The following PRDM11 variants were observed in gnomAD, a reference collection of about 807,000 sequenced individuals.
PRDM11 encodes PR/SET domain 11, also known as PR domain-containing protein 11.
PRDM11 carries 20 observed loss-of-function variants against 97.8 expected under a neutral mutation model. That is an observed-to-expected ratio of 0.20 (90% CI 0.14 to 0.30). The LOEUF is 0.30. Among genes scored for constraint, PRDM11 ranks in the 10% least tolerant of loss-of-function variants. PRDM11 has a pLI of 1.00. For missense variants in PRDM11, 1,139 were observed against 1,555.2 expected (o/e 0.73, Z 4.50); for synonymous variants, 599 against 637.7 (o/e 0.94, Z 0.91).
At chr11:45,173,553 C>T (rs1233555037) in intron 1 of PRDM11, among the ~76,000 whole-genome samples, 2 of 147,976 alleles carry the variant, frequency 1.4e-5, no homozygotes, top group East Asian at 2.0e-4. Flanking sequence ...ACCCGGGAGG[C>T]GGAGGTTGCA....
In PRDM11 at chr11:45,226,231, A is replaced by T. The variant is rs1303910565; in HGVS notation, c.1606A>T (p.Thr536Ser). The T allele has an allele frequency of 1.2e-5, 18 of 1,533,852 alleles. No individual in the cohort carries two copies. The highest frequency in any genetic ancestry group is 1.6e-5 in the Non-Finnish European group (18 of 1,146,744). ...GTGGTGCCACGTCTGCCGCCAGTAC[A>T]CGGTGCAGTCCTCACGCACCTCGGC... ...EMWCHVCRQY[T>S]VQSSRTSAFI... Residue 536 changes from threonine (T) to serine (S), a missense_variant, in exon 8 of 8, where the codon ACG (threonine) becomes TCG (serine). Physicochemically the swap from Thr to Ser is moderately conservative, Grantham distance 58. Around this residue, in one of 2 missense-constraint regions of PRDM11, gnomAD observed 710 missense variants for 1,044.9 expected, o/e 0.68. Coordinates refer to ENST00000683152, the MANE Select transcript of PRDM11 (RefSeq NM_001384648.1).
At position 45,226,444 on chromosome 11, in the gene PRDM11, C is replaced by A; in HGVS notation, c.1819C>A (p.Leu607Met). 1 of 1,534,010 alleles carries A rather than the reference C, an allele frequency of 6.5e-7. No homozygotes were observed. The highest frequency in any genetic ancestry group is 8.7e-7 in the Non-Finnish European group (1 of 1,146,742). The change falls in exon 8 of 8, where the codon CTG becomes ATG. Residue 607 changes from leucine to methionine, a missense_variant. Coordinates refer to ENST00000683152, the MANE Select transcript of PRDM11 (RefSeq NM_001384648.1). ...CCTGGCCTTGGAGGGCAGGCCCTAC[C>A]TGGACTTCCGGCCCCTGGCGGAGCT... is the stretch of plus-strand genomic sequence containing the variant. ...YHLALEGRPY[L>M]DFRPLAELLR...
chr11:45,105,838 C>T (rs900921140), intron 1 of PRDM11, among the ~76,000 whole-genome samples: 3 of 152,200 alleles, frequency 2.0e-5, no homozygotes, highest in Non-Finnish European at 2.9e-5. Flanking sequence ...TTTCTGAGAC[C>T]CCTACAAAGT....
chr11:45,199,918 C>A (rs1384388157), intron 4 of PRDM11, among the ~76,000 whole-genome samples: 3 of 152,176 alleles, frequency 2.0e-5, no homozygotes, highest in Non-Finnish European at 4.4e-5. Context: ...AGTAGATTCC[C>A]AGGTCCAGGG....
chr11:45,227,465 A>G lies in PRDM11; in HGVS notation c.2840A>G (p.Lys947Arg). ...GAGAGCTTCAACGGGATCGCCATGAAGAACCTCAGGGTGGCTGAAGCCAAG... is the reference window on the plus strand; with the variant it reads ...GAGAGCTTCAACGGGATCGCCATGAGGAACCTCAGGGTGGCTGAAGCCAAG... ...FRESFNGIAMKNLRVAEAKFQ... is the reference protein window; with the variant it reads ...FRESFNGIAMRNLRVAEAKFQ... Residue 947 changes from lysine to arginine, a missense_variant, in exon 8 of 8, where the codon AAG becomes AGG. Physicochemically the swap from Lys to Arg is conservative, Grantham distance 26. Around this residue, in one of 2 missense-constraint regions of PRDM11, gnomAD observed 710 missense variants for 1,044.9 expected, o/e 0.68. Transcript: ENST00000683152. This position sits in a 1 kb window ranked among gnomAD's most constrained non-coding sequence, Gnocchi z 8.0. The G allele has an allele frequency of 6.5e-7, 1 of 1,533,828 alleles. No homozygotes were observed. The highest frequency in any genetic ancestry group is 8.7e-7 in the Non-Finnish European group (1 of 1,146,712).
At chr11:45,146,968 G>A (rs1248868571) in intron 1 of PRDM11, 91 bp downstream of exon 1, 2 of 146,134 alleles carry the variant, frequency 1.4e-5, no homozygotes, top group Non-Finnish European at 3.0e-5. Flanking sequence ...CCGCCGGTGC[G>A]GGGGCCGGGA....
At chr11:45,095,009 C>A (rs2135590536), upstream of PRDM11, among the ~76,000 whole-genome samples, 1 of 152,266 alleles carries the variant, frequency 6.6e-6, no homozygotes, top group African/African-American at 2.4e-5. Flanking sequence ...CCTTGTCCAG[C>A]CACCAGCACA....
Position 45,182,231 on chromosome 11 carries a change from C to T in PRDM11, c.120-15C>T, listed in dbSNP as rs189926725. 55 of 1,611,850 alleles carry T rather than the reference C, an allele frequency of 3.4e-5. No homozygotes were observed. In the Admixed American group the frequency reaches 5.3e-4, roughly 16 times the overall value. ...TGACTTCTTTGCTTTCTTTGCGGGCCTCTGCCCTGGCCAGCTCTAGGAGAC... is the reference window on the plus strand; with the variant it reads ...TGACTTCTTTGCTTTCTTTGCGGGCTTCTGCCCTGGCCAGCTCTAGGAGAC... On this transcript the variant is annotated splice_polypyrimidine_tract_variant and intron_variant, in intron 2 of 7. Coordinates refer to ENST00000683152, the MANE Select transcript of PRDM11 (RefSeq NM_001384648.1).
intron 4 of PRDM11, among the ~76,000 whole-genome samples, chr11:45,195,202 A>G (rs1853075800): frequency 6.6e-6 from 1 of 152,070 alleles, no homozygotes; most frequent in Non-Finnish European, 1.5e-5. Flanking sequence ...TTATTTTTTA[A>G]CAGCTTTATT....
At chr11:45,137,935 C>T (rs540131809) in intron 1 of PRDM11, among the ~76,000 whole-genome samples, 7 of 152,244 alleles carry the variant, frequency 4.6e-5, no homozygotes, top group East Asian at 1.9e-4. Flanking sequence ...CATACACACA[C>T]GCACACATAC....
Position 45,209,965 on chromosome 11 carries a change from G to T in PRDM11, c.554+5187G>T, listed in dbSNP as rs968086360. 3.3e-5 allele frequency among the ~76,000 whole-genome samples: 5 copies of T among 152,132 alleles called. No individual in the cohort carries two copies. The South Asian group carries it at 1.0e-3, about 31-fold the overall frequency. ...GCGCGGAGAAGGGGAGGGGAGGCGC[G>T]CAGGCAGAGAACAGCATGTACGAGG... On this transcript the variant is annotated intron_variant, in intron 5 of 7. Transcript: ENST00000683152.
chr11:45,145,072 A>G (rs1191367578), upstream of PRDM11, among the ~76,000 whole-genome samples: 4 of 152,082 alleles, frequency 2.6e-5, no homozygotes, highest in East Asian at 1.9e-4. Flanking sequence ...TGAACCTCAT[A>G]TAACGATAGG....
rs912982243 is a variant in PRDM11 at position 45,219,015 on chromosome 11, C to T, written c.555-555C>T. ...TCAACCTTTTGTAGTCTGTTATTTA[C>T]CTTCCTCCCCTGTCCCCACTGGAGC... On this transcript the variant is annotated intron_variant, in intron 5 of 7. Transcript: ENST00000683152. The surrounding 1 kb of genome is among the most constrained non-coding windows in gnomAD (Gnocchi z 4.2). Among the ~76,000 whole-genome samples the T allele has an allele frequency of 1.3e-5, 2 of 152,190 alleles. No individual in the cohort carries two copies. The highest frequency in any genetic ancestry group is 1.3e-4 in the Admixed American group (2 of 15,286).
chr11:45,182,227 G>A lies in PRDM11; in HGVS notation c.120-19G>A. ...CTGATGACTTCTTTGCTTTCTTTGC[G>A]GGCCTCTGCCCTGGCCAGCTCTAGG... On this transcript the variant is annotated intron_variant, in intron 2 of 7. Transcript: ENST00000683152. 7 of 1,607,452 alleles carry A rather than the reference G, an allele frequency of 4.4e-6. No homozygotes were observed. The highest frequency in any genetic ancestry group is 2.2e-5 in the East Asian group (1 of 44,834).
intron 5 of PRDM11, among the ~76,000 whole-genome samples, chr11:45,209,485 C>T (rs1853639321): frequency 6.6e-6 from 1 of 152,240 alleles, no homozygotes; most frequent in Admixed American, 6.5e-5. Context: ...CGAATATTTA[C>T]TGAGCATCTC....
rs111313039 is a variant in PRDM11, at chr11:45,212,253, G to A, written c.555-7317G>A. Among the ~76,000 whole-genome samples the A allele has an allele frequency of 6.9e-3, 1,048 of 152,246 alleles. 14 individuals carry two copies. The highest frequency in any genetic ancestry group is 0.023 in the African/African-American group (975 of 41,546). On this transcript the variant is annotated intron_variant, in intron 5 of 7. Transcript: ENST00000683152. ...TTCCCCACTAGAATAGAGCTGTTCC[G>A]TTGAGAGGAAGAGGAACTTCCCCCC...
intron 1 of PRDM11, among the ~76,000 whole-genome samples, chr11:45,179,054 C>T (rs538382790): frequency 4.8e-4 from 73 of 152,198 alleles, no homozygotes; most frequent in African/African-American, 1.7e-3. Flanking sequence ...TAGGAGTTCC[C>T]CAGGTGTTCT....
intron 1 of PRDM11, among the ~76,000 whole-genome samples, chr11:45,117,784 G>A (rs1433423103): frequency 6.6e-6 from 1 of 152,108 alleles, no homozygotes; most frequent in Admixed American, 6.6e-5. Context: ...GAGGAGCACA[G>A]CTCCCCACTC....
At chr11:45,178,375 T>C (rs933208942) in intron 1 of PRDM11, among the ~76,000 whole-genome samples, 2 of 152,142 alleles carry the variant, frequency 1.3e-5, no homozygotes, top group Non-Finnish European at 2.9e-5. Flanking sequence ...CCCCAACTTA[T>C]CGTCAGAATC....
Sources: gnomAD v4.1 joint callset for allele counts (sites outside exome capture counted in the v4.1 genomes callset) on GRCh38, gnomAD v4.1.1 for gene constraint, gnomAD v4.1.1 regional missense constraint, Gnocchi (gnomAD v3.1) non-coding constraint, MANE v1.5 for transcripts, NCBI Gene and HGNC (gene_info 2026-07-23, HGNC 2026-07-21) for gene names.